The following ITPK1 variants were observed in gnomAD, a reference collection of about 807,000 sequenced individuals.
ITPK1 encodes inositol-tetrakisphosphate 1-kinase.
ITPK1 carries 21 observed loss-of-function variants against 45.3 expected under a neutral mutation model. That is an observed-to-expected ratio of 0.46 (90% CI 0.33 to 0.67). ITPK1 has a LOEUF of 0.67. Ranked by LOEUF, ITPK1 falls within the 30% of genes least tolerant of loss-of-function variation. The pLI is 0.02. For missense variants in ITPK1, 474 were observed against 573.5 expected (o/e 0.83, Z 1.77); for synonymous variants, 258 against 253.6 (o/e 1.02, Z -0.16).
chr14:92,940,982 C>T lies in ITPK1; in HGVS notation c.*579G>A. ...CCAGCGCGGAACTCCCCTGAGGGGTCTGTGGCCTCCTCTGGCTGTGGGGAG... is the reference window on the plus strand; with the variant it reads ...CCAGCGCGGAACTCCCCTGAGGGGTTTGTGGCCTCCTCTGGCTGTGGGGAG... On this transcript the variant is annotated 3_prime_UTR_variant, in exon 11 of 11. Transcript: ENST00000267615. 1 of 1,278,102 alleles carries T rather than the reference C, an allele frequency of 7.8e-7. No homozygotes were observed. The highest frequency in any genetic ancestry group is 1.0e-6 in the Non-Finnish European group (1 of 983,594). 79.2% of individuals were successfully genotyped at this position (1,278,102 alleles called of 1,614,324 possible). A position where few individuals can be genotyped will look rare whatever the true frequency, so the allele number is the denominator to read the frequency against.
At chr14:93,045,337 T>C (rs947019696) in intron 3 of ITPK1, among the ~76,000 whole-genome samples, 1 of 152,184 alleles carries the variant, frequency 6.6e-6, no homozygotes, top group Non-Finnish European at 1.5e-5. Context: ...GGCCTTTTAA[T>C]TCAACTCCCC....
chr14:92,938,708 C>T lies in ITPK1; in HGVS notation c.*2853G>A. 1 of 615,976 alleles carries T rather than the reference C, an allele frequency of 1.6e-6. No homozygotes were observed. Among genetic ancestry groups the T allele is most frequent in the Non-Finnish European group, 2.9e-6 (1 of 343,996 alleles). The allele number at this position is 615,976 out of a possible 1,614,324, so 38.2% of individuals were successfully genotyped here. A position where few individuals can be genotyped will look rare whatever the true frequency, so the allele number is the denominator to read the frequency against. ...CACCCACCACGTGTGGACCCAGACA[C>T]CTCCATGACACCAAGGGCAAAGCAC... On this transcript the variant is annotated 3_prime_UTR_variant, in exon 11 of 11. Coordinates refer to ENST00000267615, the MANE Select transcript of ITPK1 (RefSeq NM_014216.6).
chr14:92,966,404 TA>T lies in ITPK1; in HGVS notation c.365-3556del, dbSNP rs542881304. ...AAATTTAAAAAATAAGTGTAAGACT[TA>T]AACACTGAAAACTGCAAAATACCAT... is the stretch of plus-strand genomic sequence containing the variant. On this transcript the variant is annotated intron_variant, in intron 5 of 10. Transcript: ENST00000267615. Among the ~76,000 whole-genome samples the T allele has an allele frequency of 5.7e-4, 87 of 152,292 alleles. 1 individual carries two copies. The East Asian group carries it at 0.016, about 29-fold the overall frequency.
At chr14:93,003,516 G>A (rs1887456547) in intron 4 of ITPK1, among the ~76,000 whole-genome samples, 1 of 152,228 alleles carries the variant, frequency 6.6e-6, no homozygotes, top group African/African-American at 2.4e-5. Context: ...TGGCCAGGCT[G>A]GCATAGGGTT....
chr14:93,077,044 A>G (rs913575337), intron 2 of ITPK1, among the ~76,000 whole-genome samples: 1 of 152,090 alleles, frequency 6.6e-6, no homozygotes, highest in Non-Finnish European at 1.5e-5. Flanking sequence ...GACCTGCCAC[A>G]GCCAGTCATG....
chr14:92,977,091 G>A (rs114962659), intron 5 of ITPK1, among the ~76,000 whole-genome samples: 2,440 of 152,330 alleles, frequency 0.016, 77 homozygotes, highest in African/African-American at 0.056. Flanking sequence ...AATAAGAGCA[G>A]TCCTGCTCAT....
intron 2 of ITPK1, among the ~76,000 whole-genome samples, chr14:93,094,686 C>T (rs1382696683): frequency 1.3e-5 from 2 of 152,226 alleles, no homozygotes; most frequent in African/African-American, 2.4e-5. Flanking sequence ...ACGTTCTTCA[C>T]CACTTGACGA....
rs969949705 is a variant in ITPK1 at position 92,974,241 on chromosome 14, C to T, written c.365-11392G>A. ...GATTTGTAGGGGATTTGGGCGCTTC[C>T]GAAAGGATGGAAACAATTGGATGGC... On this transcript the variant is annotated intron_variant, in intron 5 of 10. Coordinates refer to ENST00000267615, the MANE Select transcript of ITPK1 (RefSeq NM_014216.6). Among the ~76,000 whole-genome samples the T allele has an allele frequency of 5.3e-5, 8 of 152,130 alleles. No homozygotes were observed. In the South Asian group the frequency reaches 6.2e-4, roughly 12 times the overall value.
At chr14:92,956,820 T>C (rs1467376711) in intron 8 of ITPK1, among the ~76,000 whole-genome samples, 1 of 152,134 alleles carries the variant, frequency 6.6e-6, no homozygotes, top group Non-Finnish European at 1.5e-5. Context: ...TTCCAGCCCA[T>C]AACTTGGAGG....
Position 93,096,215 on chromosome 14 carries a change from C to A in ITPK1, c.95+18854G>T, listed in dbSNP as rs530488108. Among the ~76,000 whole-genome samples, 3 of 152,330 alleles carry A rather than the reference C, an allele frequency of 2.0e-5. No individual in the cohort carries two copies. In the South Asian group the frequency reaches 6.2e-4, roughly 32 times the overall value. ...GCTTCCCCTGCCTGAGATGCCGCAG[C>A]CCCAGCTTTCTGCGACTGACTCCTT... is the stretch of plus-strand genomic sequence containing the variant. On this transcript the variant is annotated intron_variant, in intron 2 of 10. Coordinates refer to ENST00000267615, the MANE Select transcript of ITPK1 (RefSeq NM_014216.6).
intron 5 of ITPK1, among the ~76,000 whole-genome samples, chr14:92,989,762 C>T (rs983367677): frequency 4.6e-5 from 7 of 152,200 alleles, no homozygotes; most frequent in African/African-American, 1.4e-4. Flanking sequence ...AGGCTCAACG[C>T]TGCCTGTGCC....
chr14:92,994,336 G>A (rs1019091062), intron 4 of ITPK1, among the ~76,000 whole-genome samples: 13 of 152,156 alleles, frequency 8.5e-5, no homozygotes, highest in South Asian at 2.1e-4. Flanking sequence ...CCCATGCCCC[G>A]CACTGATAAG....
chr14:92,992,708 T>C (rs1451503984), intron 5 of ITPK1, among the ~76,000 whole-genome samples: 1 of 152,240 alleles, frequency 6.6e-6, no homozygotes, highest in African/African-American at 2.4e-5. Context: ...CAGGGCCCTC[T>C]GGCCATGGAC....
At chr14:93,077,530 C>T (rs1217560856) in intron 2 of ITPK1, among the ~76,000 whole-genome samples, 1 of 152,162 alleles carries the variant, frequency 6.6e-6, no homozygotes, top group Admixed American at 6.5e-5. Context: ...GTTGGCCAGG[C>T]TGGTCTCAAA....
At chr14:92,993,845 G>A (rs1344834223) in intron 5 of ITPK1, 35 bp downstream of exon 5, 4 of 1,384,930 alleles carry the variant, frequency 2.9e-6, no homozygotes, top group Non-Finnish European at 3.1e-6. Flanking sequence ...AAAGGTGGCT[G>A]CCTGCCACGG....
chr14:93,029,593 A>G (rs1449188305), intron 3 of ITPK1, among the ~76,000 whole-genome samples: 1 of 152,174 alleles, frequency 6.6e-6, no homozygotes, highest in Non-Finnish European at 1.5e-5. Flanking sequence ...GGCTCCAGGC[A>G]GCTGTGCTTT....
At chr14:93,055,426 T>C (rs1445390086) in intron 3 of ITPK1, among the ~76,000 whole-genome samples, 1 of 151,986 alleles carries the variant, frequency 6.6e-6, no homozygotes, top group Non-Finnish European at 1.5e-5. Flanking sequence ...TCTCCTTCAT[T>C]TTTCTCCCAG....
Position 93,034,408 on chromosome 14 carries a change from C to T in ITPK1, c.121-17607G>A, listed in dbSNP as rs1889221256. Among the ~76,000 whole-genome samples, 1 of 152,196 alleles carries T rather than the reference C, an allele frequency of 6.6e-6. No individual in the cohort carries two copies. The highest frequency in any genetic ancestry group is 1.5e-5 in the Non-Finnish European group (1 of 68,034). On this transcript the variant is annotated intron_variant, in intron 3 of 10. Coordinates refer to ENST00000267615, the MANE Select transcript of ITPK1 (RefSeq NM_014216.6). The surrounding 1 kb of genome is among the most constrained non-coding windows in gnomAD (Gnocchi z 4.1). The stretch of plus-strand genomic sequence containing the variant: ...CCAGAAAACTCTTCTGGGGGCCCTA[C>T]AGGCCTCCTCAGAGGGCGACTCCGG...
intron 2 of ITPK1, among the ~76,000 whole-genome samples, chr14:93,080,293 G>A (rs575452749): frequency 6.6e-6 from 1 of 152,310 alleles, no homozygotes; most frequent in Admixed American, 6.5e-5. Flanking sequence ...CAGCTGGGGT[G>A]GCCGAGGGAC....
Sources: gnomAD v4.1 joint callset for allele counts (sites outside exome capture counted in the v4.1 genomes callset) on GRCh38, gnomAD v4.1.1 for gene constraint, Gnocchi (gnomAD v3.1) non-coding constraint, MANE v1.5 for transcripts, NCBI Gene and HGNC (gene_info 2026-07-23, HGNC 2026-07-21) for gene names.